Variants in SLC35F3 observed in about 807,000 individuals in gnomAD.
SLC35F3 encodes putative thiamine transporter SLC35F3.
SLC35F3 carries 25 observed loss-of-function variants against 49.9 expected under a neutral mutation model. The ratio of observed to expected loss-of-function variants is 0.50; its 90% CI spans 0.37 to 0.70. The LOEUF (loss-of-function observed/expected upper bound fraction) is 0.70, where lower values mean the gene tolerates loss of function less well. SLC35F3 is among the 30% of genes least tolerant of loss of function. The probability of loss-of-function intolerance (pLI) is 0.00; values close to 1 mark genes in which losing one functional copy is unlikely to be tolerated. For synonymous variants in SLC35F3, 275 were observed against 265.4 expected (o/e 1.04, Z -0.35); for missense variants, 525 against 639.8 (o/e 0.82, Z 1.94).
At chr1:233,992,502 T>G (rs1663371694) in intron 2 of SLC35F3, among the ~76,000 whole-genome samples, 1 of 152,114 alleles carries the variant, frequency 6.6e-6, no homozygotes, top group Non-Finnish European at 1.5e-5. Flanking sequence ...AACAACCCAC[T>G]CTCTTAGGAA....
chr1:234,117,050 C>A (rs1342411174), intron 2 of SLC35F3, among the ~76,000 whole-genome samples: 3 of 152,120 alleles, frequency 2.0e-5, no homozygotes, highest in Admixed American at 6.5e-5. Context: ...CTTCTTATTA[C>A]CTGTCTTTAT....
intron 2 of SLC35F3, among the ~76,000 whole-genome samples, chr1:233,983,388 A>C (rs1663216689): frequency 6.6e-6 from 1 of 152,232 alleles, no homozygotes; most frequent in South Asian, 2.1e-4. Context: ...TTGGATTCAT[A>C]AATAATATCC....
At chr1:234,154,466 TA>T (rs945394284) in intron 2 of SLC35F3, among the ~76,000 whole-genome samples, 1 of 152,164 alleles carries the variant, frequency 6.6e-6, no homozygotes, top group Non-Finnish European at 1.5e-5. Flanking sequence ...CCTCACCCAC[TA>T]ATAGAAACCA....
chr1:234,067,924 G>A (rs778382355), intron 2 of SLC35F3, among the ~76,000 whole-genome samples: 2 of 152,202 alleles, frequency 1.3e-5, no homozygotes, highest in Non-Finnish European at 2.9e-5. Flanking sequence ...TTCAAATAAA[G>A]TAGCTGGGTT....
intron 2 of SLC35F3, among the ~76,000 whole-genome samples, chr1:233,938,052 T>C (rs1662362272): frequency 6.6e-6 from 1 of 152,188 alleles, no homozygotes. Context: ...ATCAATGCCA[T>C]TGCCCCCATT....
At chr1:234,226,131 G>A (rs968127974) in intron 2 of SLC35F3, among the ~76,000 whole-genome samples, 2 of 152,198 alleles carry the variant, frequency 1.3e-5, no homozygotes, top group East Asian at 3.8e-4. Flanking sequence ...AACTTACTGA[G>A]TTGTGTACTT....
chr1:234,311,465 G>C (rs1657352573), intron 4 of SLC35F3, among the ~76,000 whole-genome samples: 1 of 152,222 alleles, frequency 6.6e-6, no homozygotes, highest in Non-Finnish European at 1.5e-5. Context: ...ATGAGCTTGA[G>C]AGTCAAGCAG....
intron 2 of SLC35F3, among the ~76,000 whole-genome samples, chr1:234,031,114 C>T (rs1403142005): frequency 6.6e-6 from 1 of 152,212 alleles, no homozygotes; most frequent in African/African-American, 2.4e-5. Context: ...AGATCCACAA[C>T]CAAGTGGCCT....
chr1:234,099,820 G>A (rs770038537), intron 2 of SLC35F3, among the ~76,000 whole-genome samples: 1 of 152,080 alleles, frequency 6.6e-6, no homozygotes, highest in African/African-American at 2.4e-5. Context: ...ATGAAAGATT[G>A]TGGAAAGCAA....
At chr1:234,307,372 G>C (rs1381605874) in intron 3 of SLC35F3, among the ~76,000 whole-genome samples, 1 of 152,128 alleles carries the variant, frequency 6.6e-6, no homozygotes, top group Non-Finnish European at 1.5e-5. Flanking sequence ...TCCACAAAAC[G>C]GTAAGTGTGT....
intron 2 of SLC35F3, among the ~76,000 whole-genome samples, chr1:234,176,655 C>A (rs926443453): frequency 6.6e-6 from 1 of 152,070 alleles, no homozygotes; most frequent in Non-Finnish European, 1.5e-5. Context: ...GAGGGGGTAG[C>A]CTTCTGTCTG....
At chr1:234,263,134 C>T (rs10910402) in intron 3 of SLC35F3, among the ~76,000 whole-genome samples, 45,647 of 151,950 alleles carry the variant, frequency 0.3, 7,094 homozygotes, top group Non-Finnish European at 0.34. Flanking sequence ...AATCCTGGTC[C>T]GGGTGCTACC....
At chr1:234,238,832 T>C (rs1050110036) in intron 3 of SLC35F3, among the ~76,000 whole-genome samples, 3 of 152,242 alleles carry the variant, frequency 2.0e-5, no homozygotes, top group African/African-American at 7.2e-5. Flanking sequence ...GAGATTGCTA[T>C]TCATCTTTGA....
At chr1:233,962,021 T>C (rs905572041) in intron 2 of SLC35F3, among the ~76,000 whole-genome samples, 169 of 58,194 alleles carry the variant, frequency 2.9e-3, no homozygotes, top group African/African-American at 0.01. Context: ...CATGGGGTCA[T>C]TCATTTGTTC....
At chr1:233,990,043 A>G (rs1478500321) in intron 2 of SLC35F3, among the ~76,000 whole-genome samples, 10 of 152,200 alleles carry the variant, frequency 6.6e-5, no homozygotes, top group Admixed American at 6.5e-4. Context: ...ATCATAAACT[A>G]GCAAACCAAG....
rs1663144554 is a variant in SLC35F3 at position 233,979,439 on chromosome 1, C to T, written c.283+73681C>T. ...GACAGCATGATATGAAGAGAAAGGA[C>T]ATTTTGTCCTTATATTTGGCAGCCT... On this transcript the variant is annotated intron_variant, in intron 2 of 7. Coordinates refer to ENST00000366618, the MANE Select transcript of SLC35F3 (RefSeq NM_173508.4). Among the ~76,000 whole-genome samples, 3 of 152,188 alleles carry T rather than the reference C, an allele frequency of 2.0e-5. 1 individual carries two copies. In the South Asian group the frequency reaches 6.2e-4, roughly 31 times the overall value.
At chr1:234,269,658 G>A (rs7536858) in intron 3 of SLC35F3, among the ~76,000 whole-genome samples, 24,061 of 152,058 alleles carry the variant, frequency 0.16, 2,046 homozygotes, top group East Asian at 0.2. Context: ...TATTCGATGC[G>A]GGGCCTAATG....
chr1:233,958,872 A>G (rs1199531897), intron 2 of SLC35F3, among the ~76,000 whole-genome samples: 1 of 152,206 alleles, frequency 6.6e-6, no homozygotes, highest in Non-Finnish European at 1.5e-5. Context: ...ATACAAAATA[A>G]CGCATGAGCA....
At chr1:234,313,705 G>A (rs1657414979) in intron 4 of SLC35F3, among the ~76,000 whole-genome samples, 1 of 152,128 alleles carries the variant, frequency 6.6e-6, no homozygotes, top group African/African-American at 2.4e-5. Context: ...CTGTCCAGGG[G>A]CCCCAGTAGG....
Sources: gnomAD v4.1 joint callset for allele counts (sites outside exome capture counted in the v4.1 genomes callset) on GRCh38, gnomAD v4.1.1 for gene constraint, MANE v1.5 for transcripts, NCBI Gene and HGNC (gene_info 2026-07-23, HGNC 2026-07-21) for gene names.